Variants in GTF2IRD1 observed in about 807,000 individuals in gnomAD.
GTF2IRD1 encodes the protein general transcription factor II-I repeat domain-containing protein 1.
A neutral mutation model predicts 113.2 loss-of-function variants in GTF2IRD1; 26 were observed. That is an observed-to-expected ratio of 0.23 (90% confidence interval 0.17 to 0.32). GTF2IRD1 has a LOEUF of 0.32. Among genes scored for constraint, GTF2IRD1 ranks in the 10% least tolerant of loss-of-function variants. GTF2IRD1 has a pLI of 1.00. For synonymous variants in GTF2IRD1, 484 were observed against 529.1 expected (o/e 0.91, Z 1.17); for missense variants, 864 against 1,280.8 (o/e 0.67, Z 4.97).
At chr7:74,541,460 T>C (rs2130612462) in intron 14 of GTF2IRD1, among the ~76,000 whole-genome samples, 1 of 152,048 alleles carries the variant, frequency 6.6e-6, no homozygotes, top group East Asian at 1.9e-4. Context: ...ACCCTATCTC[T>C]ACAAAAAATA....
At chr7:74,470,806 T>TG (rs1794036701) in intron 1 of GTF2IRD1, among the ~76,000 whole-genome samples, 1 of 151,718 alleles carries the variant, frequency 6.6e-6, no homozygotes, top group Non-Finnish European at 1.5e-5. Flanking sequence ...TGTTCATATG[T>TG]GGGGTTTTTT....
intron 19 of GTF2IRD1, among the ~76,000 whole-genome samples, chr7:74,556,435 C>T (rs1161494300): frequency 6.6e-6 from 1 of 151,508 alleles, no homozygotes; most frequent in Non-Finnish European, 1.5e-5. Context: ...ATTCTCCTGC[C>T]TCAGGCTCCC....
At chr7:74,582,423 T>C (rs1360432759) in intron 22 of GTF2IRD1, among the ~76,000 whole-genome samples, 7 of 152,112 alleles carry the variant, frequency 4.6e-5, no homozygotes, top group African/African-American at 1.7e-4. Context: ...ATGCCCAGCA[T>C]TTTTTCTTTT....
At chr7:74,485,552 G>GCCGAGATAGTGCCA (rs781947873) in intron 1 of GTF2IRD1, among the ~76,000 whole-genome samples, 19 of 151,928 alleles carry the variant, frequency 1.3e-4, no homozygotes, top group Non-Finnish European at 1.8e-4. Context: ...AGGAGGCGGA[G>GCCGAGATAGTGCCA]CTTGCAGTGA....
chr7:74,497,160 T>TAAATA (rs769572505), intron 1 of GTF2IRD1, among the ~76,000 whole-genome samples: 8 of 152,246 alleles, frequency 5.3e-5, no homozygotes, highest in East Asian at 1.9e-4. Flanking sequence ...AGACTCTTTC[T>TAAATA]AAATAAAATA....
intron 1 of GTF2IRD1, among the ~76,000 whole-genome samples, chr7:74,497,237 T>A (rs1795784220): frequency 6.6e-6 from 1 of 152,188 alleles, no homozygotes; most frequent in Non-Finnish European, 1.5e-5. Flanking sequence ...ATACCCCAAA[T>A]CATTGAAAAC....
chr7:74,545,247 G>A (rs1286908438), intron 15 of GTF2IRD1, among the ~76,000 whole-genome samples: 14 of 152,074 alleles, frequency 9.2e-5, no homozygotes, highest in Non-Finnish European at 1.6e-4. Context: ...AGAGAGGGAG[G>A]CCAGGGTGAG....
chr7:74,491,732 T>A (rs1795358355), intron 1 of GTF2IRD1, among the ~76,000 whole-genome samples: 1 of 152,232 alleles, frequency 6.6e-6, no homozygotes, highest in African/African-American at 2.4e-5. Flanking sequence ...CTATCATTGA[T>A]GGGCATTTAG....
intron 1 of GTF2IRD1, among the ~76,000 whole-genome samples, chr7:74,503,369 G>A (rs943678963): frequency 2.1e-4 from 32 of 152,230 alleles, no homozygotes; most frequent in African/African-American, 6.7e-4. Context: ...TACTATTCTC[G>A]GACTGTAACC....
At chr7:74,571,722 A>C (rs1288230314) in intron 22 of GTF2IRD1, among the ~76,000 whole-genome samples, 1 of 152,114 alleles carries the variant, frequency 6.6e-6, no homozygotes, top group African/African-American at 2.4e-5. Context: ...TTAGCCAGGC[A>C]TGGTGGCGTG....
At position 74,512,013 on chromosome 7, in the gene GTF2IRD1, G is replaced by A. The variant is rs1796665834; in HGVS notation, c.124-817G>A. On this transcript the variant is annotated intron_variant, in intron 2 of 26. Transcript: ENST00000424337. The surrounding 1 kb of genome is among the most constrained non-coding windows in gnomAD (Gnocchi z 4.4). ...CCAACCATTGAATCCCCATACCCAA[G>A]CCCAGTGGCACTGTGGAACTGGGCT... Among the ~76,000 whole-genome samples, 1 of 152,146 alleles carries A rather than the reference G, an allele frequency of 6.6e-6. No individual in the cohort carries two copies. Among genetic ancestry groups the A allele is most frequent in the Non-Finnish European group, 1.5e-5 (1 of 68,026 alleles).
In GTF2IRD1 at chr7:74,508,156, C is replaced by T. The variant is rs782028586; in HGVS notation, c.76C>T (p.Arg26Cys). 1.9e-5 allele frequency: 30 copies of T among 1,612,580 alleles called. No individual in the cohort carries two copies. The highest frequency in any genetic ancestry group is 1.6e-4 in the Middle Eastern group (1 of 6,084). ...CGACCGCTGGAACTCCGCGTTCACC[C>T]GCAAAGACGAGATCATCACCAGCCT... Reference protein sequence around the residue: ...GPDRWNSAFTRKDEIITSLVS... With the variant: ...GPDRWNSAFTCKDEIITSLVS... Residue 26 changes from arginine to cysteine, a missense_variant, in exon 2 of 27, where the codon CGC becomes TGC. Arg to Cys is a radical substitution (Grantham distance 180). This residue lies in a region of GTF2IRD1 where 182 missense variants were observed against 266.6 expected (regional missense o/e 0.68). Coordinates refer to ENST00000424337, the MANE Select transcript of GTF2IRD1 (RefSeq NM_005685.4).
At chr7:74,495,527 G>A (rs563467998) in intron 1 of GTF2IRD1, among the ~76,000 whole-genome samples, 78 of 152,254 alleles carry the variant, frequency 5.1e-4, no homozygotes, top group African/African-American at 1.8e-3. Flanking sequence ...CTCTTCGGAG[G>A]CCTTTCCAGG....
chr7:74,501,798 C>A (rs1374078393), intron 1 of GTF2IRD1, among the ~76,000 whole-genome samples: 1 of 152,068 alleles, frequency 6.6e-6, no homozygotes, highest in Non-Finnish European at 1.5e-5. Flanking sequence ...ACTACAGGCA[C>A]CTACCACAGT....
intron 22 of GTF2IRD1, among the ~76,000 whole-genome samples, chr7:74,587,212 A>T (rs1369562023): frequency 2.6e-5 from 4 of 152,146 alleles, no homozygotes; most frequent in Admixed American, 2.6e-4. Context: ...TGGGAGACCG[A>T]GGCAGGCAGA....
rs1274688194 is a variant in GTF2IRD1 at position 74,482,339 on chromosome 7, TGCCTTA to T, written c.-6-25731_-6-25726del. 4.0e-5 allele frequency among the ~76,000 whole-genome samples: 6 copies of T among 150,254 alleles called. No individual in the cohort carries two copies. In the South Asian group the frequency reaches 1.1e-3, roughly 27 times the overall value. ...ACCTCATGGGATCAAGTGATCCTCC[TGCCTTA>T]GCCTCCCGAGTAGCTGGGACGACAG... is the stretch of plus-strand genomic sequence containing the variant. On this transcript the variant is annotated intron_variant, in intron 1 of 26. Transcript: ENST00000424337.
chr7:74,483,257 T>A (rs1177525380), intron 1 of GTF2IRD1, among the ~76,000 whole-genome samples: 1 of 152,144 alleles, frequency 6.6e-6, no homozygotes, highest in Non-Finnish European at 1.5e-5. Context: ...AGATCTTATT[T>A]AGGCCGGTCA....
chr7:74,515,056 C>CAAAAA (rs782246030), intron 3 of GTF2IRD1, among the ~76,000 whole-genome samples: 5 of 66,808 alleles, frequency 7.5e-5, no homozygotes, highest in Non-Finnish European at 1.2e-4. Context: ...GACTCTGTCT[C>CAAAAA]AAAAAAAAAA....
At chr7:74,489,423 A>T (rs1364832799) in intron 1 of GTF2IRD1, among the ~76,000 whole-genome samples, 8 of 151,378 alleles carry the variant, frequency 5.3e-5, no homozygotes, top group Admixed American at 1.3e-4. Flanking sequence ...GCTCACTGCA[A>T]CCTCCGCCTC....
Sources: gnomAD v4.1 joint callset for allele counts (sites outside exome capture counted in the v4.1 genomes callset) on GRCh38, gnomAD v4.1.1 for gene constraint, gnomAD v4.1.1 regional missense constraint, Gnocchi (gnomAD v3.1) non-coding constraint, MANE v1.5 for transcripts, NCBI Gene and HGNC (gene_info 2026-07-23, HGNC 2026-07-21) for gene names.